The following KCNMB2 variants were observed in gnomAD, a reference collection of about 807,000 sequenced individuals.
KCNMB2 encodes calcium-activated potassium channel subunit beta-2.
A neutral mutation model predicts 24.5 loss-of-function variants in KCNMB2; 9 were observed. That is an observed-to-expected ratio of 0.37 (90% CI 0.22 to 0.64). The LOEUF (loss-of-function observed/expected upper bound fraction) is 0.64, where lower values mean the gene tolerates loss of function less well. KCNMB2 is among the 30% of genes least tolerant of loss of function. KCNMB2 has a pLI of 0.63. For missense variants in KCNMB2, 226 were observed against 284.3 expected (o/e 0.79, Z 1.47); for synonymous variants, 109 against 104.4 (o/e 1.04, Z -0.27).
At chr3:178,766,907 G>C (rs1712145327) in intron 1 of KCNMB2, among the ~76,000 whole-genome samples, 1 of 152,140 alleles carries the variant, frequency 6.6e-6, no homozygotes, top group African/African-American at 2.4e-5. Flanking sequence ...CATGACCAAG[G>C]AAACAATGCA....
chr3:178,630,004 T>C (rs943390098), intron 1 of KCNMB2, among the ~76,000 whole-genome samples: 4 of 152,238 alleles, frequency 2.6e-5, no homozygotes, highest in African/African-American at 9.6e-5. Context: ...AGACTCACAG[T>C]TACAGTCATG....
intron 1 of KCNMB2, among the ~76,000 whole-genome samples, chr3:178,549,628 C>A (rs956325604): frequency 2.6e-5 from 4 of 151,900 alleles, no homozygotes; most frequent in African/African-American, 9.7e-5. Flanking sequence ...TGTCAGGCTG[C>A]CTGTTCCTTT....
intron 1 of KCNMB2, among the ~76,000 whole-genome samples, chr3:178,751,778 T>C (rs1723860064): frequency 6.6e-6 from 1 of 152,210 alleles, no homozygotes. Flanking sequence ...GGATGGCTCA[T>C]GCCAAGACTC....
At chr3:178,735,812 T>C in intron 1 of KCNMB2, among the ~76,000 whole-genome samples, 1 of 152,056 alleles carries the variant, frequency 6.6e-6, no homozygotes, top group East Asian at 1.9e-4. Context: ...GGAAAAGGGG[T>C]TGGAAGAAGA....
chr3:178,842,599 G>A (rs1715463900), intron 4 of KCNMB2, 54 bp from the exon 5 acceptor site: 1 of 1,204,696 alleles, frequency 8.3e-7, no homozygotes, highest in Non-Finnish European at 1.2e-6. Flanking sequence ...CCCCCTCCTA[G>A]AGTCTCAAAC....
Position 178,671,184 on chromosome 3 carries a change from G to T in KCNMB2, c.-68+134473G>T, listed in dbSNP as rs1025825858. On this transcript the variant is annotated intron_variant, in intron 1 of 4. Transcript: ENST00000452583. Reference sequence around the variant, plus strand: ...GTTGATATTGGTTTGAACCTGCAGAGATCTAAAGAAATCGAGAGAATCAAA... The same window carrying T: ...GTTGATATTGGTTTGAACCTGCAGATATCTAAAGAAATCGAGAGAATCAAA... Among the ~76,000 whole-genome samples the T allele has an allele frequency of 2.7e-5, 4 of 150,896 alleles. No individual in the cohort carries two copies. The East Asian group carries it at 7.8e-4, about 29-fold the overall frequency.
intron 1 of KCNMB2, among the ~76,000 whole-genome samples, chr3:178,647,116 G>A (rs1719948334): frequency 1.3e-5 from 2 of 152,076 alleles, no homozygotes; most frequent in Non-Finnish European, 2.9e-5. Flanking sequence ...CCTGCTGCTG[G>A]ACCTCTCTGG....
At chr3:178,614,247 TTA>T (rs776751246) in intron 1 of KCNMB2, among the ~76,000 whole-genome samples, 6,854 of 53,284 alleles carry the variant, frequency 0.13, 794 homozygotes, top group Middle Eastern at 0.24. Flanking sequence ...TGGGCTAATT[TTA>T]TATATATATA....
At chr3:178,781,420 C>A (rs78402073) in intron 1 of KCNMB2, among the ~76,000 whole-genome samples, 21,248 of 151,090 alleles carry the variant, frequency 0.14, 1,793 homozygotes, top group Admixed American at 0.18. Context: ...GGTGAAACCC[C>A]GTCTCTACTA....
intron 1 of KCNMB2, among the ~76,000 whole-genome samples, chr3:178,539,256 T>G (rs1223965090): frequency 6.6e-6 from 1 of 152,196 alleles, no homozygotes; most frequent in Admixed American, 6.6e-5. Context: ...ATATTTCTGC[T>G]ATGATATCAA....
intron 1 of KCNMB2, among the ~76,000 whole-genome samples, chr3:178,602,053 T>C (rs1378014430): frequency 6.6e-6 from 1 of 152,138 alleles, no homozygotes; most frequent in Non-Finnish European, 1.5e-5. Flanking sequence ...TGCCTTGACA[T>C]GATAGAGGAG....
chr3:178,661,011 A>T (rs1265201098), intron 1 of KCNMB2, among the ~76,000 whole-genome samples: 2 of 144,660 alleles, frequency 1.4e-5, no homozygotes, highest in African/African-American at 5.2e-5. Context: ...ATTATATTTT[A>T]AGTTCTGGGA....
chr3:178,719,943 T>A (rs535354421), intron 1 of KCNMB2, among the ~76,000 whole-genome samples: 7 of 152,208 alleles, frequency 4.6e-5, no homozygotes, highest in Admixed American at 3.3e-4. Context: ...CAGAATAACA[T>A]AAATGGAGTC....
chr3:178,654,618 C>T (rs905926173), intron 1 of KCNMB2, among the ~76,000 whole-genome samples: 1 of 152,130 alleles, frequency 6.6e-6, no homozygotes, highest in African/African-American at 2.4e-5. Flanking sequence ...GAGGCATAGC[C>T]TTGAATTATA....
intron 1 of KCNMB2, among the ~76,000 whole-genome samples, chr3:178,568,219 CACAG>C (rs1317673736): frequency 1.3e-5 from 2 of 152,070 alleles, no homozygotes; most frequent in Non-Finnish European, 2.9e-5. Context: ...GATATGTAAT[CACAG>C]ACAGAAAGAA....
chr3:178,609,219 G>T (rs776173106), intron 1 of KCNMB2, among the ~76,000 whole-genome samples: 3 of 152,080 alleles, frequency 2.0e-5, no homozygotes, highest in Non-Finnish European at 4.4e-5. Context: ...TTATAGTTTT[G>T]CATTTCTCTG....
At chr3:178,591,275 G>A (rs1015695841) in intron 1 of KCNMB2, among the ~76,000 whole-genome samples, 3 of 152,152 alleles carry the variant, frequency 2.0e-5, no homozygotes, top group Admixed American at 6.5e-5. Context: ...CAGCATATAC[G>A]TGAGTCTGCC....
At chr3:178,625,182 T>TG (rs1279307045) in intron 1 of KCNMB2, among the ~76,000 whole-genome samples, 1 of 151,898 alleles carries the variant, frequency 6.6e-6, no homozygotes, top group Non-Finnish European at 1.5e-5. Context: ...GGGCACCTCT[T>TG]GGGGTCCCTG....
chr3:178,797,015 A>G (rs566659771), intron 1 of KCNMB2, among the ~76,000 whole-genome samples: 1 of 152,080 alleles, frequency 6.6e-6, no homozygotes, highest in Non-Finnish European at 1.5e-5. Context: ...AAAACAAGAG[A>G]AGACTCAAAT....
Sources: allele counts gnomAD v4.1 joint callset (sites outside exome capture counted in the v4.1 genomes callset), GRCh38; gene constraint gnomAD v4.1.1; transcripts MANE v1.5; gene names NCBI Gene and HGNC (gene_info 2026-07-23, HGNC 2026-07-21).